The following SCAPER variants were observed in gnomAD, a reference collection of about 807,000 sequenced individuals.
The protein encoded by SCAPER is S-phase cyclin A associated protein in the ER, also known as S phase cyclin A-associated protein in the endoplasmic reticulum.
Under a neutral mutation model 182.2 loss-of-function variants are expected in SCAPER, and 98 were observed. The ratio of observed to expected loss-of-function variants is 0.54; its 90% CI spans 0.46 to 0.64. SCAPER has a LOEUF of 0.64. SCAPER is among the 30% of genes least tolerant of loss of function. The pLI is 0.00. For synonymous variants in SCAPER, 605 were observed against 564.6 expected (o/e 1.07, Z -1.01); for missense variants, 1,432 against 1,690.0 (o/e 0.85, Z 2.68).
At chr15:76,444,912 T>C (rs946097730) in intron 25 of SCAPER, among the ~76,000 whole-genome samples, 24 of 152,246 alleles carry the variant, frequency 1.6e-4, no homozygotes, top group Admixed American at 1.6e-3. Flanking sequence ...TGGAGCACAT[T>C]CATTGACTTT....
chr15:76,675,214 T>C (rs1308007653), intron 20 of SCAPER, among the ~76,000 whole-genome samples: 1 of 152,224 alleles, frequency 6.6e-6, no homozygotes, highest in Non-Finnish European at 1.5e-5. Context: ...AATATATACA[T>C]ATAAATCTTA....
At chr15:76,373,434 A>G (rs933075149) in intron 29 of SCAPER, among the ~76,000 whole-genome samples, 25 of 152,140 alleles carry the variant, frequency 1.6e-4, no homozygotes, top group African/African-American at 6.0e-4. Context: ...ATGGATGCAC[A>G]TGAAGAAAAA....
intron 8 of SCAPER, among the ~76,000 whole-genome samples, chr15:76,782,156 G>C (rs2064195117): frequency 6.6e-6 from 1 of 151,988 alleles, no homozygotes. Flanking sequence ...CATGTGCAGA[G>C]ACACACACAG....
At chr15:76,742,956 A>C (rs549770857) in intron 15 of SCAPER, among the ~76,000 whole-genome samples, 1 of 152,208 alleles carries the variant, frequency 6.6e-6, no homozygotes, top group Non-Finnish European at 1.5e-5. Context: ...CTATAATTCT[A>C]ATATTTTACT....
chr15:76,404,710 A>G (rs759233504), intron 26 of SCAPER, 31 bp from the exon 27 acceptor site: 3 of 1,600,748 alleles, frequency 1.9e-6, no homozygotes, highest in Admixed American at 3.4e-5. Context: ...CATGTTATCA[A>G]TCTGAATAGG....
At chr15:76,714,336 A>C (rs1340766864) in intron 17 of SCAPER, among the ~76,000 whole-genome samples, 1 of 152,102 alleles carries the variant, frequency 6.6e-6, no homozygotes, top group Non-Finnish European at 1.5e-5. Context: ...TAAAGTTGTG[A>C]AAAAAAATTT....
chr15:76,555,235 G>A (rs2046106421), intron 23 of SCAPER, among the ~76,000 whole-genome samples: 1 of 152,110 alleles, frequency 6.6e-6, no homozygotes, highest in African/African-American at 2.4e-5. Context: ...GGTCCTTATG[G>A]GAGTGCTAAA....
Position 76,498,886 on chromosome 15 carries a change from T to C in SCAPER, c.2954+5973A>G, listed in dbSNP as rs2040852609. 2.6e-5 allele frequency among the ~76,000 whole-genome samples: 4 copies of C among 152,214 alleles called. No homozygotes were observed. The South Asian group carries it at 8.3e-4, about 32-fold the overall frequency. ...TTTTAAAATTATATTTGATGAGTAT[T>C]GCTTGGTCTGGGTAGCATGGATTTA... On this transcript the variant is annotated intron_variant, in intron 24 of 31. Transcript: ENST00000563290.
chr15:76,366,338 G>T (rs1182456373), intron 29 of SCAPER, among the ~76,000 whole-genome samples: 1 of 152,214 alleles, frequency 6.6e-6, no homozygotes, highest in African/African-American at 2.4e-5. Context: ...CAGTGCATGG[G>T]CTGATAGGTT....
intron 20 of SCAPER, among the ~76,000 whole-genome samples, chr15:76,670,330 AAT>A (rs981346294): frequency 1.3e-5 from 2 of 152,066 alleles, no homozygotes; most frequent in Non-Finnish European, 2.9e-5. Flanking sequence ...ATTTGATATA[AAT>A]ATATATTCCT....
chr15:76,393,090 T>C (rs529830331), intron 27 of SCAPER, among the ~76,000 whole-genome samples: 2 of 152,358 alleles, frequency 1.3e-5, no homozygotes, highest in East Asian at 3.9e-4. Context: ...TAGGGCTTTA[T>C]GTCAGCTGGG....
chr15:76,836,644 T>C (rs200403490), intron 5 of SCAPER, among the ~76,000 whole-genome samples: 1 of 151,786 alleles, frequency 6.6e-6, no homozygotes, highest in African/African-American at 2.4e-5. Context: ...GAGGCTGAGG[T>C]GGGAGGATCA....
Position 76,348,723 on chromosome 15 carries a change from A to G in SCAPER, c.4113T>C (p.Gly1371=). ...TAGCCAGCTCAAGATAGTCTTGGGAACCAAGGCATTTCCCTGAGAGGGGGA... is the reference window on the plus strand; with the variant it reads ...TAGCCAGCTCAAGATAGTCTTGGGAGCCAAGGCATTTCCCTGAGAGGGGGA... ...QPYQPKGKCL[G]SQDYLELANR... Residue 1371 remains glycine, a synonymous_variant, in exon 32 of 32, where the codon GGT becomes GGC. Transcript: ENST00000563290. 2 of 1,533,800 alleles carry G rather than the reference A, an allele frequency of 1.3e-6. No homozygotes were observed. The highest frequency in any genetic ancestry group is 4.8e-5 in the East Asian group (2 of 41,614).
chr15:76,511,523 G>A (rs2042023164), intron 23 of SCAPER, among the ~76,000 whole-genome samples: 1 of 152,040 alleles, frequency 6.6e-6, no homozygotes, highest in Non-Finnish European at 1.5e-5. Context: ...AGAGATTCAC[G>A]GACCTCAGAA....
intron 25 of SCAPER, among the ~76,000 whole-genome samples, chr15:76,443,568 A>C (rs1244740105): frequency 1.3e-5 from 2 of 152,232 alleles, no homozygotes; most frequent in African/African-American, 2.4e-5. Flanking sequence ...GACCATCTAC[A>C]TCAATTTACA....
At chr15:76,399,416 G>A (rs965457825) in intron 27 of SCAPER, among the ~76,000 whole-genome samples, 2 of 152,250 alleles carry the variant, frequency 1.3e-5, no homozygotes, top group East Asian at 3.9e-4. Flanking sequence ...GGGATTACCT[G>A]AGCCACCACA....
intron 15 of SCAPER, among the ~76,000 whole-genome samples, chr15:76,753,428 A>T (rs2062215643): frequency 6.6e-6 from 1 of 151,986 alleles, no homozygotes; most frequent in African/African-American, 2.4e-5. Context: ...ATCTATACTG[A>T]TAGAAAGCAG....
intron 7 of SCAPER, among the ~76,000 whole-genome samples, chr15:76,796,002 A>G (rs951540391): frequency 2.0e-5 from 3 of 152,340 alleles, no homozygotes; most frequent in South Asian, 2.1e-4. Flanking sequence ...CAGAGGTTGT[A>G]GTGAGCCAAG....
intron 21 of SCAPER, among the ~76,000 whole-genome samples, chr15:76,645,306 A>G (rs1192449463): frequency 2.0e-5 from 3 of 152,134 alleles, no homozygotes; most frequent in African/African-American, 7.2e-5. Context: ...CACCTGATAC[A>G]TTCGTAAGCA....
Sources: allele counts gnomAD v4.1 joint callset (sites outside exome capture counted in the v4.1 genomes callset), GRCh38; gene constraint gnomAD v4.1.1; transcripts MANE v1.5; gene names NCBI Gene and HGNC (gene_info 2026-07-23, HGNC 2026-07-21).